Variants in GALNT16 observed in about 807,000 individuals in gnomAD.
GALNT16 encodes UDP-GalNAc:polypeptide N-acetylgalactosaminyltransferase-like protein 1.
A neutral mutation model predicts 76.1 loss-of-function variants in GALNT16; 40 were observed. That is an observed-to-expected ratio of 0.53 (90% CI 0.41 to 0.68). The LOEUF is 0.68. Among genes scored for constraint, GALNT16 ranks in the 30% least tolerant of loss-of-function variants. The probability of loss-of-function intolerance (pLI) is 0.00; values close to 1 mark genes in which losing one functional copy is unlikely to be tolerated. For synonymous variants in GALNT16, 276 were observed against 285.2 expected, an observed-to-expected ratio of 0.97 and a Z score of 0.32; for missense variants, 621 against 731.9, an observed-to-expected ratio of 0.85 and a Z score of 1.75.
At chr14:69,380,562 C>A in the GALNT16 span, 1 of 1,609,900 alleles carries the variant, frequency 6.2e-7, no homozygotes, top group Non-Finnish European at 8.5e-7. Flanking sequence ...GTTGGGCCTG[C>A]CGACGAAGGA....
At chr14:69,269,744 G>C (rs2044383785) in intron 1 of GALNT16, among the ~76,000 whole-genome samples, 1 of 150,552 alleles carries the variant, frequency 6.6e-6, no homozygotes, top group South Asian at 2.1e-4. Flanking sequence ...ATGTCTGTGT[G>C]GTGTGTGAGA....
At chr14:69,274,597 A>G (rs1048030694) in intron 1 of GALNT16, among the ~76,000 whole-genome samples, 2 of 152,174 alleles carry the variant, frequency 1.3e-5, no homozygotes, top group Non-Finnish European at 2.9e-5. Flanking sequence ...GTAGTAATGC[A>G]TCTTAATAGT....
chr14:69,342,413 A>G (rs1278205031), intron 12 of GALNT16, among the ~76,000 whole-genome samples: 1 of 132,926 alleles, frequency 7.5e-6, no homozygotes, highest in Non-Finnish European at 1.6e-5. Context: ...TGTTAGGGTG[A>G]GGAAGAGGGA....
intron 1 of GALNT16, among the ~76,000 whole-genome samples, chr14:69,316,353 C>T (rs1339522638): frequency 6.6e-6 from 1 of 152,154 alleles, no homozygotes; most frequent in Non-Finnish European, 1.5e-5. Flanking sequence ...TTTCTCTGGG[C>T]TTTGGGATTC....
At position 69,346,795 on chromosome 14, in the gene GALNT16, G is replaced by A. The variant is rs549905701; in HGVS notation, c.1272-245G>A. On this transcript the variant is annotated intron_variant, in intron 12 of 14. Coordinates refer to ENST00000448469, the MANE Select transcript of GALNT16 (RefSeq NM_001168368.2). ...CGCCCATGGCTCCCCCATCCTCTAT[G>A]TCTCAGGCCCAGCCTCCAGGGCAGA... is the stretch of plus-strand genomic sequence containing the variant. 1.2e-3 allele frequency among the ~76,000 whole-genome samples: 183 copies of A among 152,160 alleles called. 1 individual carries two copies. Among genetic ancestry groups the A allele is most frequent in the African/African-American group, 4.1e-3 (170 of 41,504 alleles).
At chr14:69,279,690 A>T (rs528845297) in intron 1 of GALNT16, among the ~76,000 whole-genome samples, 2 of 152,342 alleles carry the variant, frequency 1.3e-5, no homozygotes, top group East Asian at 3.9e-4. Flanking sequence ...AGCTTCACTG[A>T]GGGCTGAATC....
At chr14:69,339,959 T>C (rs1301155907) in intron 11 of GALNT16, among the ~76,000 whole-genome samples, 2 of 152,204 alleles carry the variant, frequency 1.3e-5, no homozygotes, top group African/African-American at 2.4e-5. Context: ...CTGTTCAAAA[T>C]TGAGATCTGT....
intron 12 of GALNT16, among the ~76,000 whole-genome samples, chr14:69,342,052 C>T (rs906330658): frequency 3.3e-5 from 5 of 152,160 alleles, no homozygotes; most frequent in Non-Finnish European, 7.3e-5. Flanking sequence ...CAGAGACATT[C>T]GTCCCCTTTA....
At chr14:69,299,527 TA>T (rs990046979) in intron 1 of GALNT16, among the ~76,000 whole-genome samples, 107 of 152,194 alleles carry the variant, frequency 7.0e-4, no homozygotes, top group African/African-American at 2.1e-3. Context: ...GCCTCATCCG[TA>T]AGGTGGGGTG....
chr14:69,264,984 TTA>T (rs2044325496), intron 1 of GALNT16, among the ~76,000 whole-genome samples: 2 of 152,026 alleles, frequency 1.3e-5, no homozygotes, highest in Non-Finnish European at 2.9e-5. Flanking sequence ...TGGTTGATTT[TTA>T]TATATTTTTG....
rs748395489 is a variant in GALNT16, at chr14:69,320,619, G to A, written c.178-92G>A. On this transcript the variant is annotated intron_variant, in intron 1 of 14. Coordinates refer to ENST00000448469, the MANE Select transcript of GALNT16 (RefSeq NM_001168368.2). ...TGGCGTAAGGCACAAATGAGGCCAC[G>A]TGGCTGGCTCCCGCCTGGTGTGTGC... is the stretch of plus-strand genomic sequence containing the variant. 77 of 1,167,406 alleles carry A rather than the reference G, an allele frequency of 6.6e-5. No individual in the cohort carries two copies. The South Asian group carries it at 7.9e-4, about 12-fold the overall frequency. 72.3% of individuals were successfully genotyped at this position (1,167,406 alleles called of 1,614,324 possible).
the GALNT16 span, among the ~76,000 whole-genome samples, chr14:69,385,862 T>C: frequency 6.6e-6 from 1 of 152,156 alleles, no homozygotes; most frequent in African/African-American, 2.4e-5. Context: ...GACACACTTC[T>C]GCATTTGGCT....
intron 1 of GALNT16, among the ~76,000 whole-genome samples, chr14:69,286,485 G>A (rs1029604012): frequency 1.3e-5 from 2 of 152,038 alleles, no homozygotes; most frequent in African/African-American, 4.8e-5. Flanking sequence ...TGTATTTTTA[G>A]TAGAGATGGG....
chr14:69,277,558 CT>C (rs1445417200), intron 1 of GALNT16, among the ~76,000 whole-genome samples: 2 of 152,182 alleles, frequency 1.3e-5, no homozygotes, highest in African/African-American at 2.4e-5. Context: ...TAAACTCATC[CT>C]TTTTTATGGC....
At chr14:69,344,186 G>A (rs903492591) in intron 12 of GALNT16, among the ~76,000 whole-genome samples, 3 of 152,224 alleles carry the variant, frequency 2.0e-5, no homozygotes, top group South Asian at 2.1e-4. Context: ...TAGGCCTGCC[G>A]TGGCTCTGCC....
At chr14:69,276,553 C>T (rs373361441) in intron 1 of GALNT16, among the ~76,000 whole-genome samples, 2 of 151,890 alleles carry the variant, frequency 1.3e-5, no homozygotes, top group South Asian at 2.1e-4. Context: ...TGGTGGTGTG[C>T]GCCTGTAATC....
intron 1 of GALNT16, among the ~76,000 whole-genome samples, chr14:69,271,300 T>C (rs1022686256): frequency 6.6e-6 from 1 of 152,028 alleles, no homozygotes; most frequent in African/African-American, 2.4e-5. Context: ...GGGGTGAGGA[T>C]GGGCTAGCTC....
chr14:69,266,135 T>A (rs1346455188), intron 1 of GALNT16, among the ~76,000 whole-genome samples: 1 of 152,198 alleles, frequency 6.6e-6, no homozygotes, highest in African/African-American at 2.4e-5. Context: ...CATCTTCTGG[T>A]CAAGATCCAA....
intron 12 of GALNT16, among the ~76,000 whole-genome samples, chr14:69,343,011 G>T (rs2140194434): frequency 6.6e-6 from 1 of 152,312 alleles, no homozygotes; most frequent in East Asian, 1.9e-4. Context: ...GAGGGTGGAG[G>T]CTTTGATCTG....
Sources: allele counts gnomAD v4.1 joint callset (sites outside exome capture counted in the v4.1 genomes callset), GRCh38; gene constraint gnomAD v4.1.1; transcripts MANE v1.5; gene names NCBI Gene and HGNC (gene_info 2026-07-23, HGNC 2026-07-21).